PRDM16: variants seen among roughly 807,000 people sequenced by gnomAD.
The protein encoded by PRDM16 is PR/SET domain 16.
In PRDM16, 23 loss-of-function variants were observed where a neutral mutation model predicts 110.6. The observed-to-expected ratio is 0.21, with a 90% CI of 0.15 to 0.29. The LOEUF is 0.29. PRDM16 is among the 10% of genes least tolerant of loss of function. The pLI, the probability that PRDM16 is intolerant of heterozygous loss-of-function variation, is 1.00. For synonymous variants in PRDM16, 799 were observed against 781.8 expected (o/e 1.02, Z -0.37); for missense variants, 1,615 against 1,794.3 (o/e 0.90, Z 1.81).
At chr1:3,136,241 G>A (rs1323178364) in intron 1 of PRDM16, among the ~76,000 whole-genome samples, 1 of 152,216 alleles carries the variant, frequency 6.6e-6, no homozygotes, top group Non-Finnish European at 1.5e-5. Context: ...AGTGGAACCT[G>A]CCCAGCCTGC....
chr1:3,394,542 G>A (rs916012430), intron 4 of PRDM16: 1 of 417,946 alleles, frequency 2.4e-6, no homozygotes, highest in South Asian at 1.7e-5. Context: ...AGGGGCGGGC[G>A]GCCAGGGTCC....
intron 14 of PRDM16, among the ~76,000 whole-genome samples, chr1:3,429,161 C>G (rs1021682923): frequency 6.6e-6 from 1 of 152,256 alleles, no homozygotes; most frequent in Non-Finnish European, 1.5e-5. Flanking sequence ...CCGGCCTGCC[C>G]TCGCCTGGAT....
intron 2 of PRDM16, among the ~76,000 whole-genome samples, chr1:3,237,580 C>A (rs909111152): frequency 1.3e-5 from 2 of 152,084 alleles, no homozygotes; most frequent in Non-Finnish European, 2.9e-5. Context: ...GTGCTCAATA[C>A]CACTTATGAA....
intron 1 of PRDM16, among the ~76,000 whole-genome samples, chr1:3,075,951 G>A (rs2100562004): frequency 6.6e-6 from 1 of 152,314 alleles, no homozygotes; most frequent in South Asian, 2.1e-4. Flanking sequence ...CCTGGGGGAG[G>A]AGGAGTCACG....
intron 1 of PRDM16, among the ~76,000 whole-genome samples, chr1:3,185,209 T>G (rs552669627): frequency 6.6e-6 from 1 of 152,080 alleles, no homozygotes; most frequent in Non-Finnish European, 1.5e-5. Flanking sequence ...TCTGGTATAG[T>G]TTCGGCTGCA....
At chr1:3,274,267 G>A (rs1640532459) in intron 3 of PRDM16, among the ~76,000 whole-genome samples, 1 of 152,164 alleles carries the variant, frequency 6.6e-6, no homozygotes. Flanking sequence ...CAATAAAATG[G>A]ACTTAGGCCG....
chr1:3,396,980 G>T (rs1557651968), intron 5 of PRDM16, among the ~76,000 whole-genome samples: 1 of 152,182 alleles, frequency 6.6e-6, no homozygotes, highest in Non-Finnish European at 1.5e-5. Context: ...AGCAACAGCA[G>T]CCTTTGCTTT....
intron 1 of PRDM16, among the ~76,000 whole-genome samples, chr1:3,124,781 TGCCCTTGGTG>T (rs1183463779): frequency 6.6e-6 from 1 of 152,196 alleles, no homozygotes; most frequent in Non-Finnish European, 1.5e-5. Context: ...GGGACCTCTA[TGCCCTTGGTG>T]GCTGATGTGA....
At chr1:3,073,687 G>A (rs1270744933) in intron 1 of PRDM16, among the ~76,000 whole-genome samples, 9 of 152,088 alleles carry the variant, frequency 5.9e-5, no homozygotes, top group Admixed American at 5.9e-4. Context: ...ACCCCGGGCC[G>A]GCCGGTAGTC....
intron 1 of PRDM16, among the ~76,000 whole-genome samples, chr1:3,125,040 TCTCTGGGAAAAC>T (rs1225597650): frequency 5.9e-5 from 9 of 152,200 alleles, no homozygotes; most frequent in Non-Finnish European, 1.0e-4. Flanking sequence ...TCTTTGCATG[TCTCTGGGAAAAC>T]CTGATCAGCT....
chr1:3,272,241 G>A (rs1640472168), intron 3 of PRDM16, among the ~76,000 whole-genome samples: 1 of 152,206 alleles, frequency 6.6e-6, no homozygotes, highest in Admixed American at 6.5e-5. Flanking sequence ...ACAGGCGTGT[G>A]GTGAGAAGGT....
chr1:3,161,652 G>A (rs957657459), intron 1 of PRDM16, among the ~76,000 whole-genome samples: 3 of 152,234 alleles, frequency 2.0e-5, no homozygotes, highest in Non-Finnish European at 2.9e-5. Flanking sequence ...CGCCCGGCGC[G>A]GAGAGGCCGG....
intron 1 of PRDM16, among the ~76,000 whole-genome samples, chr1:3,144,757 C>T (rs1643614143): frequency 6.6e-6 from 1 of 152,234 alleles, no homozygotes; most frequent in African/African-American, 2.4e-5. Flanking sequence ...CAGTAAAGGG[C>T]TCTTTCTTTC....
chr1:3,414,803 T>A (rs1017827665), intron 10 of PRDM16, among the ~76,000 whole-genome samples, 156 bp downstream of exon 10: 2 of 152,164 alleles, frequency 1.3e-5, no homozygotes, highest in Non-Finnish European at 2.9e-5. Flanking sequence ...ATTCTCTCCC[T>A]GAGGCCCCTC....
rs75856693 is a variant in PRDM16 at position 3,141,631 on chromosome 1, A to G, written c.38-44494A>G. Reference sequence around the variant, plus strand: ...GGAGTCAGAAAGCCCAGGGCGGGCCACAACGTGGTGGCATTAATCATATGT... The same window carrying G: ...GGAGTCAGAAAGCCCAGGGCGGGCCGCAACGTGGTGGCATTAATCATATGT... On this transcript the variant is annotated intron_variant, in intron 1 of 16. Coordinates refer to ENST00000270722, the MANE Select transcript of PRDM16 (RefSeq NM_022114.4). 6.1e-3 allele frequency among the ~76,000 whole-genome samples: 933 copies of G among 152,356 alleles called. 9 individuals carry two copies. Among genetic ancestry groups the G allele is most frequent in the East Asian group, 0.029 (150 of 5,184 alleles).
intron 3 of PRDM16, among the ~76,000 whole-genome samples, chr1:3,349,985 A>AGG (rs918042663): frequency 2.7e-5 from 4 of 149,540 alleles, no homozygotes; most frequent in South Asian, 2.1e-4. Flanking sequence ...GCCCTGGAGG[A>AGG]GACAGCAGTC....
At chr1:3,360,769 A>G (rs962168845) in intron 3 of PRDM16, among the ~76,000 whole-genome samples, 2 of 152,320 alleles carry the variant, frequency 1.3e-5, no homozygotes, top group Admixed American at 1.3e-4. Context: ...TGCTGTGGCC[A>G]CAGCGCCCGC....
In PRDM16 at chr1:3,275,779, C is replaced by T. The variant is rs115573946; in HGVS notation, c.438+31642C>T. Among the ~76,000 whole-genome samples, 712 of 151,920 alleles carry T rather than the reference C, an allele frequency of 4.7e-3. 3 individuals carry two copies. The highest frequency in any genetic ancestry group is 0.015 in the African/African-American group (607 of 41,418). On this transcript the variant is annotated intron_variant, in intron 3 of 16. Coordinates refer to ENST00000270722, the MANE Select transcript of PRDM16 (RefSeq NM_022114.4). Reference sequence around the variant, plus strand: ...GAACCACCAGTGAGAGCCAGGGGGGCGGGAGGGGAGTCATTCCAAACTGGG... The same window carrying T: ...GAACCACCAGTGAGAGCCAGGGGGGTGGGAGGGGAGTCATTCCAAACTGGG...
chr1:3,388,379 A>G (rs1643238122), intron 4 of PRDM16, among the ~76,000 whole-genome samples: 2 of 152,180 alleles, frequency 1.3e-5, no homozygotes, highest in Non-Finnish European at 2.9e-5. Context: ...AAGGGAAGGA[A>G]CCATATCTGA....
Sources: gnomAD v4.1 joint callset for allele counts (sites outside exome capture counted in the v4.1 genomes callset) on GRCh38, gnomAD v4.1.1 for gene constraint, MANE v1.5 for transcripts, NCBI Gene and HGNC (gene_info 2026-07-23, HGNC 2026-07-21) for gene names.